The following BCAS3 variants were observed in gnomAD, a reference collection of about 807,000 sequenced individuals.
The protein encoded by BCAS3 is BCAS3 microtubule associated cell migration factor, also known as BCAS4/BCAS3 fusion.
Under a neutral mutation model 116.1 loss-of-function variants are expected in BCAS3, and 53 were observed. The observed-to-expected ratio is 0.46, with a 90% CI of 0.37 to 0.57. The LOEUF is 0.57. Ranked by LOEUF, BCAS3 falls within the 20% of genes least tolerant of loss-of-function variation. BCAS3 has a pLI of 0.00. For synonymous variants in BCAS3, 391 were observed against 408.2 expected (o/e 0.96, Z 0.51); for missense variants, 917 against 1,165.4 (o/e 0.79, Z 3.10).
In BCAS3 at chr17:61,083,126, G is replaced by A. The variant is rs558859393; in HGVS notation, c.2328-1341G>A. On this transcript the variant is annotated intron_variant, in intron 21 of 23. Transcript: ENST00000407086. This position sits in a 1 kb window ranked among gnomAD's most constrained non-coding sequence, Gnocchi z 4.9. The stretch of plus-strand genomic sequence containing the variant: ...TATGTTGTAGTCCTGTGCTTAAAGG[G>A]CATTTCTTGCTCCTCTTCATTATGC... 1.3e-5 allele frequency among the ~76,000 whole-genome samples: 2 copies of A among 152,192 alleles called. No individual in the cohort carries two copies. The highest frequency in any genetic ancestry group is 2.4e-5 in the African/African-American group (1 of 41,524).
rs2067150236 is a variant in BCAS3, at chr17:61,037,725, A to G, written c.1763-164A>G. On this transcript the variant is annotated intron_variant, in intron 17 of 23. Transcript: ENST00000407086. This position sits in a 1 kb window ranked among gnomAD's most constrained non-coding sequence, Gnocchi z 4.7. ...AGGCGGCAGCCTGGGCAGCAAGAGC[A>G]AAACTCCATCTCCAAAAAAAAGAAA... is the stretch of plus-strand genomic sequence containing the variant. 6.6e-6 allele frequency among the ~76,000 whole-genome samples: 1 copy of G among 152,188 alleles called. No individual in the cohort carries two copies. Among genetic ancestry groups the G allele is most frequent in the Non-Finnish European group, 1.5e-5 (1 of 68,036 alleles).
intron 22 of BCAS3, among the ~76,000 whole-genome samples, chr17:61,129,398 T>C (rs1453378759): frequency 6.6e-6 from 1 of 152,256 alleles, no homozygotes; most frequent in Non-Finnish European, 1.5e-5. Flanking sequence ...AACCACCTTT[T>C]TATAGCTCTC....
intron 6 of BCAS3, among the ~76,000 whole-genome samples, chr17:60,775,518 G>T (rs1205451693): frequency 0.024 from 3,699 of 151,032 alleles, 149 homozygotes; most frequent in African/African-American, 0.084. Context: ...TTCTCTTGTT[G>T]TTGTTACTGT....
intron 22 of BCAS3, among the ~76,000 whole-genome samples, chr17:61,101,130 T>C (rs188784858): frequency 1.1e-3 from 163 of 152,272 alleles, no homozygotes; most frequent in African/African-American, 3.7e-3. Context: ...TCACCTCCAC[T>C]CTGGAATGGC....
chr17:61,216,998 T>A (rs1041371945), intron 22 of BCAS3, among the ~76,000 whole-genome samples: 1 of 151,888 alleles, frequency 6.6e-6, no homozygotes, highest in African/African-American at 2.4e-5. Context: ...AGCACTAGTT[T>A]TGGCCGGGTG....
At chr17:61,185,757 T>C (rs2079732295) in intron 22 of BCAS3, among the ~76,000 whole-genome samples, 2 of 152,218 alleles carry the variant, frequency 1.3e-5, no homozygotes, top group Non-Finnish European at 2.9e-5. Flanking sequence ...TGAACAACTT[T>C]AATGCAGAAG....
intron 23 of BCAS3, among the ~76,000 whole-genome samples, chr17:61,373,906 G>A (rs556831145): frequency 9.3e-5 from 11 of 118,108 alleles, no homozygotes; most frequent in African/African-American, 2.9e-4. Context: ...CAAGCGAATC[G>A]CATGCCTCAG....
Position 61,134,247 on chromosome 17 carries a change from A to T in BCAS3, c.2425+49683A>T, listed in dbSNP as rs1012222041. ...ACCATTTCGTAATAAGAAGATGAGG[A>T]TCAATAATAGTAGTGAACACTTGTT... On this transcript the variant is annotated intron_variant, in intron 22 of 23. Transcript: ENST00000407086. The surrounding 1 kb of genome is among the most constrained non-coding windows in gnomAD (Gnocchi z 4.6). Among the ~76,000 whole-genome samples, 1 of 152,228 alleles carries T rather than the reference A, an allele frequency of 6.6e-6. No homozygotes were observed. The highest frequency in any genetic ancestry group is 1.5e-5 in the Non-Finnish European group (1 of 68,042).
intron 6 of BCAS3, among the ~76,000 whole-genome samples, chr17:60,796,029 T>C (rs2047187264): frequency 6.6e-6 from 1 of 152,190 alleles, no homozygotes; most frequent in Non-Finnish European, 1.5e-5. Flanking sequence ...GGTGTGTCAC[T>C]TTTATTGACT....
intron 5 of BCAS3, among the ~76,000 whole-genome samples, chr17:60,743,075 T>C (rs1436803111): frequency 6.8e-6 from 1 of 146,750 alleles, no homozygotes; most frequent in Non-Finnish European, 1.5e-5. Context: ...ATCGCGCCAC[T>C]GCACTCCAGC....
At chr17:60,985,971 A>G (rs979156185) in intron 14 of BCAS3, among the ~76,000 whole-genome samples, 5 of 152,214 alleles carry the variant, frequency 3.3e-5, no homozygotes, top group African/African-American at 1.2e-4. Context: ...TCCTGACCTC[A>G]AGTGATCTGC....
rs556504723 is a variant in BCAS3 at position 61,165,240 on chromosome 17, C to A, written c.2425+80676C>A. 6.6e-5 allele frequency among the ~76,000 whole-genome samples: 10 copies of A among 152,256 alleles called. No homozygotes were observed. In the East Asian group the frequency reaches 1.9e-3, roughly 29 times the overall value. The stretch of plus-strand genomic sequence containing the variant: ...TTTCTCCCAAAAGGAGCCTTGGGAT[C>A]CAAAGGAATTAGAATGAACTCACCA... On this transcript the variant is annotated intron_variant, in intron 22 of 23. Transcript: ENST00000407086.
chr17:60,948,352 C>G (rs1267121476), intron 14 of BCAS3, among the ~76,000 whole-genome samples: 1 of 152,110 alleles, frequency 6.6e-6, no homozygotes, highest in Admixed American at 6.5e-5. Flanking sequence ...TCTCAAACTC[C>G]TGGCCTCGTG....
Position 61,078,513 on chromosome 17 carries a change from G to C in BCAS3, c.2311G>C (p.Asp771His). 6.2e-7 allele frequency: 1 copy of C among 1,613,626 alleles called. No homozygotes were observed. Among genetic ancestry groups the C allele is most frequent in the Non-Finnish European group, 8.5e-7 (1 of 1,179,676 alleles). Residue 771 changes from aspartate to histidine, a missense_variant, in exon 21 of 24, where the codon GAT becomes CAT. Physicochemically the swap from Asp to His is moderately conservative, Grantham distance 81. Transcript: ENST00000407086. ...TTTGGATTTTGATACAGATGATCTT[G>C]ATCTCAACAGTCTCAGGTAGGAAAT... ...PLLDFDTDDL[D>H]LNSLRIQPVR...
intron 22 of BCAS3, among the ~76,000 whole-genome samples, chr17:61,182,999 G>T (rs1473722702): frequency 3.9e-5 from 6 of 152,144 alleles, no homozygotes; most frequent in Non-Finnish European, 2.9e-5. Context: ...TTGTTTTAAT[G>T]AACTGATATC....
At position 60,801,314 on chromosome 17, in the gene BCAS3, T is replaced by G. The variant is rs559166962; in HGVS notation, c.404-6690T>G. Reference sequence around the variant, plus strand: ...AATCTCAATTTTCATGTGTCCATGATAGTATATACTTTTGTATGCTGATCT... The same window carrying G: ...AATCTCAATTTTCATGTGTCCATGAGAGTATATACTTTTGTATGCTGATCT... On this transcript the variant is annotated intron_variant, in intron 6 of 23. Transcript: ENST00000407086. Among the ~76,000 whole-genome samples, 39 of 152,304 alleles carry G rather than the reference T, an allele frequency of 2.6e-4. No individual in the cohort carries two copies. In the South Asian group the frequency reaches 4.1e-3, roughly 16 times the overall value.
chr17:61,105,238 C>A lies in BCAS3; in HGVS notation c.2425+20674C>A, dbSNP rs2074568364. On this transcript the variant is annotated intron_variant, in intron 22 of 23. Coordinates refer to ENST00000407086, the MANE Select transcript of BCAS3 (RefSeq NM_017679.5). The surrounding 1 kb of genome is among the most constrained non-coding windows in gnomAD (Gnocchi z 4.3). ...CCCAGTTTTCCACTCAGGTGGTTTA[C>A]CCCAAAACCTGGCCTTTGCTTTCCT... 6.6e-6 allele frequency among the ~76,000 whole-genome samples: 1 copy of A among 152,188 alleles called. No individual in the cohort carries two copies. The highest frequency in any genetic ancestry group is 1.5e-5 in the Non-Finnish European group (1 of 68,036).
chr17:60,827,616 T>C (rs1432189390), intron 7 of BCAS3, among the ~76,000 whole-genome samples: 2 of 152,236 alleles, frequency 1.3e-5, no homozygotes, highest in Non-Finnish European at 2.9e-5. Flanking sequence ...ATATTTAAAG[T>C]GTACAGTTTG....
At position 61,315,554 on chromosome 17, in the gene BCAS3, C is replaced by T. The variant is rs2054657704; in HGVS notation, c.2426-52773C>T. On this transcript the variant is annotated intron_variant, in intron 22 of 23. Transcript: ENST00000407086. This position sits in a 1 kb window ranked among gnomAD's most constrained non-coding sequence, Gnocchi z 5.3. ...CCATGGAAGAGGTTGCACAGCGTCG[C>T]TGGTTAATGGCAAAGCCCAGGTATG... Among the ~76,000 whole-genome samples, 1 of 152,222 alleles carries T rather than the reference C, an allele frequency of 6.6e-6. No homozygotes were observed. Among genetic ancestry groups the T allele is most frequent in the South Asian group, 2.1e-4 (1 of 4,834 alleles).
Sources: allele counts gnomAD v4.1 joint callset (sites outside exome capture counted in the v4.1 genomes callset), GRCh38; gene constraint gnomAD v4.1.1; non-coding constraint Gnocchi (gnomAD v3.1); transcripts MANE v1.5; gene names NCBI Gene and HGNC (gene_info 2026-07-23, HGNC 2026-07-21).